SRGAP2B: variants seen among roughly 807,000 people sequenced by gnomAD.
SRGAP2B encodes the protein SLIT-ROBO Rho GTPase-activating protein 2B.
In SRGAP2B, 9 loss-of-function variants were observed where a neutral mutation model predicts 22.2. The ratio of observed to expected loss-of-function variants is 0.41; its 90% CI spans 0.24 to 0.71. The LOEUF (loss-of-function observed/expected upper bound fraction) is 0.71. SRGAP2B is among the 30% of genes least tolerant of loss of function. The pLI, the probability that SRGAP2B is intolerant of heterozygous loss-of-function variation, is 0.35. For synonymous variants in SRGAP2B, 36 were observed against 87.4 expected, an observed-to-expected ratio of 0.41 and a Z score of 3.28; for missense variants, 114 against 235.8, an observed-to-expected ratio of 0.48 and a Z score of 3.38.
At chr1:145,093,648 G>C (rs1654166427) in intron 1 of SRGAP2B, among the ~76,000 whole-genome samples, 1 of 145,174 alleles carries the variant, frequency 6.9e-6, no homozygotes, top group Non-Finnish European at 1.5e-5. Flanking sequence ...AAAACACTTT[G>C]GAGCAGCCGC....
At chr1:144,917,713 T>G (rs1284203454) in intron 4 of SRGAP2B, among the ~76,000 whole-genome samples, 2 of 138,366 alleles carry the variant, frequency 1.4e-5, no homozygotes, top group Non-Finnish European at 3.0e-5. Flanking sequence ...TGGCTGAGGG[T>G]TGGGCTGGGA....
rs868975254 is a variant in SRGAP2B, at chr1:145,015,592, A to G, written c.68-20392T>C. Among the ~76,000 whole-genome samples the G allele has an allele frequency of 5.0e-4, 75 of 150,180 alleles. 2 individuals are homozygous for G. In the South Asian group the frequency reaches 6.0e-3, roughly 12 times the overall value. ...TGTAGGAGTATACAGAAATTGGTCT[A>G]GGGCTCAGCAAGAGGCTCGCAGAGG... is the stretch of plus-strand genomic sequence containing the variant. On this transcript the variant is annotated intron_variant, in intron 2 of 9. Coordinates refer to ENST00000612199, the Ensembl canonical transcript of SRGAP2B.
chr1:144,925,414 T>G (rs1570754097), intron 4 of SRGAP2B, among the ~76,000 whole-genome samples: 1 of 141,560 alleles, frequency 7.1e-6, no homozygotes, highest in East Asian at 2.1e-4. Context: ...GAGGCCCAGG[T>G]GGGCAGATCA....
In SRGAP2B at chr1:145,093,687, G is replaced by A. The variant is rs1270505952; in HGVS notation, c.-542-244C>T. 2.9e-4 allele frequency among the ~76,000 whole-genome samples: 43 copies of A among 147,808 alleles called. 1 individual carries two copies. Among genetic ancestry groups the A allele is most frequent in the Non-Finnish European group, 5.8e-4 (39 of 67,748 alleles). ...CGCGGGCTCCGGGCGGGAACTGCAG[G>A]AACGCGGGGCACCGGGCGGGGAATG... On this transcript the variant is annotated intron_variant, in intron 1 of 9. Coordinates refer to ENST00000612199, the Ensembl canonical transcript of SRGAP2B.
chr1:144,971,303 T>C (rs1256239114), intron 3 of SRGAP2B, among the ~76,000 whole-genome samples: 2 of 148,950 alleles, frequency 1.3e-5, no homozygotes, highest in Non-Finnish European at 3.0e-5. Flanking sequence ...GCTAATTTTG[T>C]GTTTTTTAGT....
intron 4 of SRGAP2B, among the ~76,000 whole-genome samples, chr1:144,932,315 T>C (rs1407375291): frequency 1.3e-5 from 2 of 150,908 alleles, no homozygotes; most frequent in Non-Finnish European, 2.9e-5. Context: ...CCACAGGCGC[T>C]ACAGGGCTCC....
At chr1:145,024,968 A>G (rs1200387413) in intron 2 of SRGAP2B, among the ~76,000 whole-genome samples, 9 of 149,642 alleles carry the variant, frequency 6.0e-5, no homozygotes, top group Non-Finnish European at 1.3e-4. Flanking sequence ...GTCTGAAATC[A>G]TAAAAACAAC....
chr1:145,031,942 G>T (rs1190595449), intron 2 of SRGAP2B, among the ~76,000 whole-genome samples: 1 of 147,748 alleles, frequency 6.8e-6, no homozygotes, highest in Non-Finnish European at 1.5e-5. Flanking sequence ...CTAGGGGAAA[G>T]TTTGTCCCAA....
chr1:145,006,391 A>C (rs1439529596), intron 2 of SRGAP2B, among the ~76,000 whole-genome samples: 1 of 150,072 alleles, frequency 6.7e-6, no homozygotes, highest in Non-Finnish European at 1.5e-5. Flanking sequence ...ATCTCTTGTT[A>C]TGTTCTCCCT....
Position 145,070,050 on chromosome 1 carries a change from T to A in SRGAP2B, c.67+22785A>T, listed in dbSNP as rs1355362391. On this transcript the variant is annotated intron_variant, in intron 2 of 9. Transcript: ENST00000612199. ...AATGTCATCTTTTTTTTTTTTTTTT[T>A]AAAGCGCTGATGGAATTACCCTGCT... Among the ~76,000 whole-genome samples, 24 of 150,494 alleles carry A rather than the reference T, an allele frequency of 1.6e-4. No homozygotes were observed. The East Asian group carries it at 3.9e-3, about 24-fold the overall frequency.
rs1648711922 is a variant in SRGAP2B at position 145,036,295 on chromosome 1, T to A, written c.68-41095A>T. ...TGAATTCCCAAGTTGCCATGGCAAC[T>A]AACACCTTCCTCCAATACTGTCAAT... is the stretch of plus-strand genomic sequence containing the variant. On this transcript the variant is annotated intron_variant, in intron 2 of 9. Coordinates refer to ENST00000612199, the Ensembl canonical transcript of SRGAP2B. 2.8e-5 allele frequency among the ~76,000 whole-genome samples: 4 copies of A among 142,728 alleles called. 1 individual carries two copies. Among genetic ancestry groups the A allele is most frequent in the Admixed American group, 2.8e-4 (4 of 14,334 alleles). 93.6% of individuals were successfully genotyped at this position (142,728 alleles called of 152,430 possible). A position where few individuals can be genotyped will look rare whatever the true frequency, so the allele number is the denominator to read the frequency against.
chr1:144,998,721 C>CA (rs1553619015), intron 2 of SRGAP2B, among the ~76,000 whole-genome samples: 1 of 151,130 alleles, frequency 6.6e-6, no homozygotes, highest in East Asian at 1.9e-4. Flanking sequence ...AGAATCCATA[C>CA]AGGCATTAAG....
intron 4 of SRGAP2B, among the ~76,000 whole-genome samples, chr1:144,944,265 G>C (rs1333198518): frequency 6.6e-6 from 1 of 150,392 alleles, no homozygotes; most frequent in East Asian, 1.9e-4. Context: ...TCAATAAACA[G>C]ACCCACAGAT....
At chr1:144,984,375 A>C (rs201500855) in intron 3 of SRGAP2B, among the ~76,000 whole-genome samples, 1 of 149,108 alleles carries the variant, frequency 6.7e-6, no homozygotes, top group African/African-American at 2.5e-5. Context: ...CAAAAAAAAA[A>C]AAACAAAAAA....
At chr1:144,956,854 C>A (rs1667305618) in intron 3 of SRGAP2B, among the ~76,000 whole-genome samples, 1 of 148,152 alleles carries the variant, frequency 6.7e-6, no homozygotes, top group Non-Finnish European at 1.5e-5. Context: ...AGTTGGATTT[C>A]TTTAAGGAGA....
At position 145,076,210 on chromosome 1, in the gene SRGAP2B, T is replaced by G. The variant is rs542294; in HGVS notation, c.67+16625A>C. The stretch of plus-strand genomic sequence containing the variant: ...AACTACCTCCATCTTTTTTTTTTTG[T>G]AGACAGGATCTCCAAAATGTTGCCC... On this transcript the variant is annotated intron_variant, in intron 2 of 9. Transcript: ENST00000612199. 4.6e-4 allele frequency among the ~76,000 whole-genome samples: 68 copies of G among 148,362 alleles called. 1 individual carries two copies. Among genetic ancestry groups the G allele is most frequent in the East Asian group, 9.7e-4 (5 of 5,130 alleles).
chr1:144,931,255 C>T lies in SRGAP2B; in HGVS notation c.424-16501G>A, dbSNP rs587691007. Among the ~76,000 whole-genome samples the T allele has an allele frequency of 5.1e-3, 764 of 150,126 alleles. 41 individuals are homozygous for T. The highest frequency in any genetic ancestry group is 0.037 in the South Asian group (179 of 4,786). On this transcript the variant is annotated intron_variant, in intron 4 of 9. Coordinates refer to ENST00000612199, the Ensembl canonical transcript of SRGAP2B. ...ACAAAAAGCACTTAGTACTTACAGA[C>T]GCTAAAGCTTAGAGAGGTCAAAAAA...
intron 3 of SRGAP2B, among the ~76,000 whole-genome samples, chr1:144,956,439 C>A (rs1409462294): frequency 1.0e-5 from 1 of 95,380 alleles, no homozygotes; most frequent in Non-Finnish European, 2.1e-5. Context: ...TGCTCATTCC[C>A]TTTTTTTTTT....
At chr1:145,091,242 A>G (rs2102508096) in intron 2 of SRGAP2B, among the ~76,000 whole-genome samples, 1 of 60,104 alleles carries the variant, frequency 1.7e-5, no homozygotes, top group Admixed American at 2.1e-4. Flanking sequence ...AAAAAAAAAA[A>G]AAAAAAAAGA....
Sources: allele counts gnomAD v4.1 joint callset (sites outside exome capture counted in the v4.1 genomes callset), GRCh38; gene constraint gnomAD v4.1.1; transcripts MANE v1.5; gene names NCBI Gene and HGNC (gene_info 2026-07-23, HGNC 2026-07-21).